The following PIDD1 variants were observed in gnomAD, a reference collection of about 807,000 sequenced individuals.
The protein encoded by PIDD1 is p53-induced death domain protein 1.
In PIDD1, 72 loss-of-function variants were observed where a neutral mutation model predicts 80.0. That is an observed-to-expected ratio of 0.90 (90% confidence interval 0.74 to 1.09). The LOEUF (loss-of-function observed/expected upper bound fraction) is 1.09, where lower values mean the gene tolerates loss of function less well. Among genes scored for constraint, PIDD1 ranks in the 50% least tolerant of loss-of-function variants. The pLI is 0.00. For missense variants in PIDD1, 1,329 were observed against 1,228.3 expected (o/e 1.08, Z -1.23); for synonymous variants, 655 against 543.5 (o/e 1.21, Z -2.85).
rs1224199078 is a variant in PIDD1 at position 800,406 on chromosome 11, GAGT to G, written c.2084_2086del (p.Tyr695del). The G allele has an allele frequency of 1.9e-6, 3 of 1,578,074 alleles. No homozygotes were observed. Among genetic ancestry groups the G allele is most frequent in the Non-Finnish European group, 2.6e-6 (3 of 1,157,108 alleles). On this transcript the variant is annotated inframe_deletion, in exon 13 of 16. Coordinates refer to ENST00000347755, the MANE Select transcript of PIDD1 (RefSeq NM_145886.4). Reference sequence around the variant, plus strand: ...TACCTCCTTCACATTCTTCAGGTGCGAGTAGAAGACAAAGCAGATTCTGCCCTC... The same window carrying G: ...TACCTCCTTCACATTCTTCAGGTGCGAGAAGACAAAGCAGATTCTGCCCTC...
Position 802,704 on chromosome 11 carries a change from C to A in PIDD1, c.897G>T (p.Ser299=). The A allele has an allele frequency of 2.5e-6, 4 of 1,610,934 alleles. No homozygotes were observed. The highest frequency in any genetic ancestry group is 3.4e-6 in the Non-Finnish European group (4 of 1,178,794). Reference sequence around the variant, plus strand: ...TACCTGGTGAACTCGGGGCGTCTGGCGAGGCCTCACCCAGGGGGTTCCCCT... The same window carrying A: ...TACCTGGTGAACTCGGGGCGTCTGGAGAGGCCTCACCCAGGGGGTTCCCCT... The part of the protein sequence containing the change: ...RLQGNPLGEA[S]PDAPSSPVAA... Residue 299 remains serine (S), a synonymous_variant, in exon 4 of 16, where the codon TCG becomes TCT. Coordinates refer to ENST00000347755, the MANE Select transcript of PIDD1 (RefSeq NM_145886.4).
chr11:802,484 G>C, intron 5 of PIDD1, 59 bp downstream of exon 5: 2 of 1,601,512 alleles, frequency 1.2e-6, no homozygotes, highest in Admixed American at 3.3e-5. Flanking sequence ...GAAGGTGTCG[G>C]AGGGGCCAGA....
intron 2 of PIDD1, 161 bp from the exon 3 acceptor site, chr11:803,748 C>T (rs1865572710): frequency 1.2e-6 from 1 of 813,298 alleles, no homozygotes; most frequent in African/African-American, 1.7e-5. Flanking sequence ...GGAGAGGTGC[C>T]CGCAAATGGA....
At position 803,257 on chromosome 11, in the gene PIDD1, A is replaced by G; in HGVS notation, c.626T>C (p.Leu209Pro). The change falls in exon 3 of 16, where the codon CTA becomes CCA. Residue 209 changes from leucine to proline, a missense_variant. Coordinates refer to ENST00000347755, the MANE Select transcript of PIDD1 (RefSeq NM_145886.4). ...LDLSQNLLDT[L>P]PPEIGGLGSL... ...GCCCAGGCCTCCAATCTCAGGAGGT[A>G]GCGTGTCCAGCAGATTCTGAGAGAG... 2 of 1,613,368 alleles carry G rather than the reference A, an allele frequency of 1.2e-6. No homozygotes were observed. Among genetic ancestry groups the G allele is most frequent in the Non-Finnish European group, 1.7e-6 (2 of 1,179,946 alleles).
chr11:799,502 C>T lies in PIDD1; in HGVS notation c.2538G>A (p.Gln846=), dbSNP rs376302855. 4 of 1,607,262 alleles carry T rather than the reference C, an allele frequency of 2.5e-6. No homozygotes were observed. The highest frequency in any genetic ancestry group is 3.4e-6 in the Non-Finnish European group (4 of 1,179,816). ...GCACCAGGAGCCCCACAGCCCCTGG[C>T]TGCCCAGCCTGGCGCTCAGCCCAGG... is the stretch of plus-strand genomic sequence containing the variant. ...LFSWAERQAG[Q]PGAVGLLVQA... is the part of the protein sequence containing the mutation. Residue 846 remains glutamine, a synonymous_variant, in exon 16 of 16, where the codon CAG becomes CAA. Transcript: ENST00000347755.
chr11:805,485 C>T (rs538610494), upstream of PIDD1: 2 of 451,340 alleles, frequency 4.4e-6, no homozygotes, highest in Non-Finnish European at 5.8e-6. Context: ...CAGCCTCCCC[C>T]GCCCGGAAGG....
chr11:803,637 C>T, intron 2 of PIDD1, 50 bp from the exon 3 acceptor site: 1 of 1,552,142 alleles, frequency 6.4e-7, no homozygotes, highest in Non-Finnish European at 8.7e-7. Context: ...GTCCGAGGTC[C>T]CAGATCGACC....
rs769992460 is a variant in PIDD1 at position 801,967 on chromosome 11, G to C, written c.1300C>G (p.Gln434Glu). The C allele has an allele frequency of 1.4e-5, 22 of 1,599,422 alleles. 1 individual carries two copies. In the Middle Eastern group the frequency reaches 6.6e-4, roughly 48 times the overall value. ...CGGCAGGCCTGGGTGGCCCTCACCT[G>C]GGGTGCCTCTTCCTCCAGGTAGGTC... ...LETYLEEEAP[Q>E]RLWAHCQVPH... is the part of the protein sequence containing the mutation. The change falls in exon 7 of 16, where the codon CAG becomes GAG. Residue 434 changes from glutamine (Q) to glutamate (E), a missense_variant and splice_region_variant. Physicochemically the swap from Gln to Glu is conservative, Grantham distance 29. Transcript: ENST00000347755.
At chr11:800,299 G>A in intron 13 of PIDD1, 34 bp downstream of exon 13, 3 of 1,612,628 alleles carry the variant, frequency 1.9e-6, no homozygotes, top group Non-Finnish European at 1.7e-6. Context: ...AGCGGCCTGG[G>A]GGGCCTCTCC....
In PIDD1 at chr11:801,556, A is replaced by G. The variant is rs1339633506; in HGVS notation, c.1371T>C (p.Asn457=). Residue 457 remains asparagine, a synonymous_variant, in exon 8 of 16, where the codon AAT becomes AAC. Transcript: ENST00000347755. ...WFLVVSRPVS[N]ACLVPPEGTL... is the part of the protein sequence containing the mutation. ...TCCCCTCCGGTGGCACCAGGCAGGC[A>G]TTGGACACAGGGCGGGAAACCACAA... 1.9e-6 allele frequency: 3 copies of G among 1,569,344 alleles called. No individual in the cohort carries two copies. Among genetic ancestry groups the G allele is most frequent in the South Asian group, 2.3e-5 (2 of 85,612 alleles).
In PIDD1 at chr11:804,337, C is replaced by T. The variant is rs765763096; in HGVS notation, c.52G>A (p.Asp18Asn). Residue 18 changes from aspartate to asparagine, a missense_variant, in exon 2 of 16, where the codon GAT becomes AAT. Physicochemically the swap from Asp to Asn is conservative, Grantham distance 23. Transcript: ENST00000347755. ...CCTGCGTCCGAATCCTCTGAAGCAT[C>T]TCCTGCGGCAGCAGCTGCCTCCAGC... is the stretch of plus-strand genomic sequence containing the variant. ...PELEAAAAAG[D>N]ASEDSDAGSR... 5.0e-6 allele frequency: 8 copies of T among 1,610,376 alleles called. No individual in the cohort carries two copies. Among genetic ancestry groups the T allele is most frequent in the Middle Eastern group, 1.6e-4 (1 of 6,066 alleles).
upstream of PIDD1, among the ~76,000 whole-genome samples, chr11:809,033 G>A (rs1865924467): frequency 1.3e-5 from 2 of 152,218 alleles, no homozygotes. Flanking sequence ...TTCTCAGGCT[G>A]CCCAGAGGAC....
upstream of PIDD1, among the ~76,000 whole-genome samples, chr11:809,071 G>C (rs1431280563): frequency 6.6e-6 from 1 of 152,218 alleles, no homozygotes; most frequent in East Asian, 1.9e-4. Flanking sequence ...CTGTCCTTCG[G>C]ATCGCCTCCC....
chr11:803,643 C>A (rs1489963468), intron 2 of PIDD1, 56 bp from the exon 3 acceptor site: 3 of 1,546,822 alleles, frequency 1.9e-6, no homozygotes, highest in African/African-American at 1.4e-5. Flanking sequence ...GGTCCCAGAT[C>A]GACCCTGCCA....
chr11:801,831 C>G, intron 7 of PIDD1, 134 bp downstream of exon 7: 1 of 1,261,250 alleles, frequency 7.9e-7, no homozygotes, highest in Non-Finnish European at 1.1e-6. Flanking sequence ...GTGGAAGGTG[C>G]CAGGGACATA....
intron 14 of PIDD1, 34 bp from the exon 15 acceptor site, chr11:800,048 C>T (rs750845540): frequency 1.2e-6 from 2 of 1,608,968 alleles, no homozygotes; most frequent in Non-Finnish European, 1.7e-6. Flanking sequence ...AAGCCCTGGG[C>T]TCCACCCCCA....
chr11:804,056 G>A (rs1438469675), intron 2 of PIDD1, 38 bp downstream of exon 2: 54 of 1,562,746 alleles, frequency 3.5e-5, no homozygotes, highest in South Asian at 7.1e-5. Flanking sequence ...AGGGCAGAGC[G>A]AGAGATGGAG....
At position 799,363 on chromosome 11, in the gene PIDD1, C is replaced by A; in HGVS notation, c.2677G>T (p.Asp893Tyr). 3 of 1,611,352 alleles carry A rather than the reference C, an allele frequency of 1.9e-6. No homozygotes were observed. Among genetic ancestry groups the A allele is most frequent in the Non-Finnish European group, 2.5e-6 (3 of 1,179,748 alleles). ...SIRRMGLAPK[D>Y]PALPGSSAPQ... ...GCCGAGGAGCCAGGCAGAGCGGGGT[C>A]CTTGGGGGCCAAGCCCATGCGTCGG... The change falls in exon 16 of 16, where the codon GAC becomes TAC. Residue 893 changes from aspartate to tyrosine, a missense_variant. Physicochemically the swap from Asp to Tyr is radical, Grantham distance 160. Transcript: ENST00000347755.
Position 803,301 on chromosome 11 carries a change from G to T in PIDD1, c.582C>A (p.Ser194=). ...QTLPPALGAL[S]TLQRLDLSQN... ...GAGAGAGATCGAGGCGCTGCAGGGT[G>T]GATAGGGCCCCCAGTGCTGGGGGCA... The change falls in exon 3 of 16, where the codon TCC becomes TCA. Residue 194 remains serine (S), a synonymous_variant. Transcript: ENST00000347755. 1.2e-6 allele frequency: 2 copies of T among 1,613,888 alleles called. No homozygotes were observed. The highest frequency in any genetic ancestry group is 2.2e-5 in the South Asian group (2 of 91,088).
Sources: allele counts gnomAD v4.1 joint callset (sites outside exome capture counted in the v4.1 genomes callset), GRCh38; gene constraint gnomAD v4.1.1; transcripts MANE v1.5; gene names NCBI Gene and HGNC (gene_info 2026-07-23, HGNC 2026-07-21).